IGF2BP2: variants seen among roughly 807,000 people sequenced by gnomAD.
IGF2BP2 encodes the protein insulin-like growth factor 2 mRNA-binding protein 2.
A neutral mutation model predicts 75.8 loss-of-function variants in IGF2BP2; 17 were observed. The ratio of observed to expected loss-of-function variants is 0.22; its 90% CI spans 0.15 to 0.34. The LOEUF (loss-of-function observed/expected upper bound fraction) is 0.34, where lower values mean the gene tolerates loss of function less well. Among genes scored for constraint, IGF2BP2 ranks in the 10% least tolerant of loss-of-function variants. The pLI is 1.00. For synonymous variants in IGF2BP2, 288 were observed against 295.6 expected, an observed-to-expected ratio of 0.97 and a Z score of 0.26; for missense variants, 516 against 772.4, an observed-to-expected ratio of 0.67 and a Z score of 3.93.
intron 12 of IGF2BP2, 93 bp from the exon 13 acceptor site, chr3:185,652,261 G>A (rs2149064497): frequency 9.4e-7 from 1 of 1,067,252 alleles, no homozygotes. Context: ...ACCAGCAGGA[G>A]GTTCCAGGTC....
chr3:185,784,812 T>G (rs149074854), intron 2 of IGF2BP2, among the ~76,000 whole-genome samples: 5 of 152,272 alleles, frequency 3.3e-5, no homozygotes, highest in African/African-American at 7.2e-5. Flanking sequence ...TCCCAGAAGC[T>G]CATTCACTAA....
chr3:185,754,986 TAGAG>T (rs2149659407), intron 2 of IGF2BP2, among the ~76,000 whole-genome samples: 1 of 152,150 alleles, frequency 6.6e-6, no homozygotes, highest in South Asian at 2.1e-4. Flanking sequence ...GGCCCTATGG[TAGAG>T]AAAGAATCCA....
intron 10 of IGF2BP2, among the ~76,000 whole-genome samples, chr3:185,659,238 A>T (rs562845356): frequency 3.3e-5 from 5 of 151,990 alleles, no homozygotes; most frequent in Admixed American, 1.3e-4. Context: ...AGAAAAAAAA[A>T]AGAGAGAGAG....
intron 2 of IGF2BP2, among the ~76,000 whole-genome samples, chr3:185,742,440 G>A (rs1729689182): frequency 6.6e-6 from 1 of 152,084 alleles, no homozygotes; most frequent in Admixed American, 6.5e-5. Context: ...AGGTTGCAGT[G>A]AGCCGAGATT....
intron 10 of IGF2BP2, among the ~76,000 whole-genome samples, chr3:185,662,626 C>T (rs1716654023): frequency 6.8e-6 from 1 of 146,844 alleles, no homozygotes; most frequent in African/African-American, 2.5e-5. Flanking sequence ...CCACTGCAAA[C>T]TCTGCCTCTG....
intron 2 of IGF2BP2, among the ~76,000 whole-genome samples, chr3:185,718,935 C>G (rs1010627465): frequency 1.3e-5 from 2 of 152,160 alleles, no homozygotes; most frequent in Non-Finnish European, 2.9e-5. Context: ...CTGCTCCTTA[C>G]AGCTTACAGG....
In IGF2BP2 at chr3:185,698,204, G is replaced by A. The variant is rs907491828; in HGVS notation, c.288+95C>T. 4.7e-6 allele frequency: 5 copies of A among 1,059,432 alleles called. No individual in the cohort carries two copies. In the African/African-American group the frequency reaches 7.9e-5, roughly 17 times the overall value. 65.6% of individuals were successfully genotyped at this position (1,059,432 alleles called of 1,614,324 possible). The stretch of plus-strand genomic sequence containing the variant: ...AAGAGGCAGGACCCAGAAGCTTTGT[G>A]GGAAACACTGAGGCCCTCTAATTCC... On this transcript the variant is annotated intron_variant, in intron 3 of 15. Transcript: ENST00000382199.
chr3:185,757,919 C>A (rs957110474), intron 2 of IGF2BP2, among the ~76,000 whole-genome samples: 4 of 152,246 alleles, frequency 2.6e-5, no homozygotes, highest in African/African-American at 9.6e-5. Flanking sequence ...CCCGTGACAA[C>A]AGCTATTTAT....
intron 2 of IGF2BP2, among the ~76,000 whole-genome samples, chr3:185,802,916 G>A (rs931489211): frequency 3.3e-5 from 5 of 152,164 alleles, no homozygotes; most frequent in Admixed American, 1.3e-4. Context: ...CCACCCGCCC[G>A]GCCAGTTATC....
chr3:185,821,935 C>T (rs1741431406), intron 2 of IGF2BP2, among the ~76,000 whole-genome samples: 1 of 151,610 alleles, frequency 6.6e-6, no homozygotes, highest in Non-Finnish European at 1.5e-5. Context: ...TACATCTTTC[C>T]CAATAGAGGA....
intron 5 of IGF2BP2, among the ~76,000 whole-genome samples, chr3:185,691,985 G>A (rs1036442051): frequency 3.3e-5 from 5 of 151,766 alleles, no homozygotes; most frequent in Non-Finnish European, 7.4e-5. Context: ...GCAATCCTCC[G>A]GCCTTGCCCA....
intron 2 of IGF2BP2, among the ~76,000 whole-genome samples, chr3:185,746,732 T>C (rs1249648077): frequency 1.3e-5 from 2 of 152,246 alleles, no homozygotes; most frequent in East Asian, 3.8e-4. Context: ...TTATAACTTT[T>C]ATTAAACTTC....
At chr3:185,686,958 A>C in intron 7 of IGF2BP2, 99 bp downstream of exon 7, 3 of 1,328,300 alleles carry the variant, frequency 2.3e-6, no homozygotes, top group Non-Finnish European at 3.2e-6. Flanking sequence ...GTTACTGAGT[A>C]ACAGATTTGG....
chr3:185,756,147 T>C (rs1249243700), intron 2 of IGF2BP2, among the ~76,000 whole-genome samples: 1 of 152,166 alleles, frequency 6.6e-6, no homozygotes, highest in Admixed American at 6.6e-5. Context: ...AGTTCTCATA[T>C]GGTTTATGCA....
At chr3:185,755,104 C>T (rs949888941) in intron 2 of IGF2BP2, among the ~76,000 whole-genome samples, 9 of 152,180 alleles carry the variant, frequency 5.9e-5, no homozygotes, top group African/African-American at 2.2e-4. Context: ...AAAGCCATTT[C>T]AGAAATCTTC....
chr3:185,717,021 G>A, intron 2 of IGF2BP2: 1 of 339,766 alleles, frequency 2.9e-6, no homozygotes, highest in South Asian at 2.3e-5. Flanking sequence ...GACAGCAGGA[G>A]TGGCTGCCCT....
rs1285693478 is a variant in IGF2BP2 at position 185,644,932 on chromosome 3, C to T, written c.*599G>A. On this transcript the variant is annotated 3_prime_UTR_variant, in exon 16 of 16. Coordinates refer to ENST00000382199, the MANE Select transcript of IGF2BP2 (RefSeq NM_006548.6). ...GTGGCCTCAAAGCTCCTCTCTACAC[C>T]GTGAGACCTCCCAAAGACTTTATTC... The T allele has an allele frequency of 6.6e-6, 1 of 152,332 alleles. No homozygotes were observed. Among genetic ancestry groups the T allele is most frequent in the Non-Finnish European group, 1.5e-5 (1 of 68,020 alleles). The allele number at this position is 152,332 out of a possible 1,614,324, so 9.4% of individuals were successfully genotyped here. A position where few individuals can be genotyped will look rare whatever the true frequency, so the allele number is the denominator to read the frequency against.
chr3:185,778,632 A>G (rs1734826169), intron 2 of IGF2BP2, among the ~76,000 whole-genome samples: 1 of 152,188 alleles, frequency 6.6e-6, no homozygotes, highest in Non-Finnish European at 1.5e-5. Context: ...CAGGAAGGGA[A>G]CTAGACTCGG....
chr3:185,753,341 T>G (rs1731197751), intron 2 of IGF2BP2, among the ~76,000 whole-genome samples: 1 of 152,172 alleles, frequency 6.6e-6, no homozygotes, highest in Non-Finnish European at 1.5e-5. Context: ...TGTCTTCTGC[T>G]TCTCGTTTCT....
Sources: gnomAD v4.1 joint callset for allele counts (sites outside exome capture counted in the v4.1 genomes callset) on GRCh38, gnomAD v4.1.1 for gene constraint, MANE v1.5 for transcripts, NCBI Gene and HGNC (gene_info 2026-07-23, HGNC 2026-07-21) for gene names.